NBEAL2: variants seen among roughly 807,000 people sequenced by gnomAD.
The protein encoded by NBEAL2 is neurobeachin-like protein 2.
Under a neutral mutation model 299.8 loss-of-function variants are expected in NBEAL2, and 160 were observed. The observed-to-expected ratio is 0.53, with a 90% CI of 0.47 to 0.61. The LOEUF (loss-of-function observed/expected upper bound fraction) is 0.61. Among genes scored for constraint, NBEAL2 ranks in the 20% least tolerant of loss-of-function variants. NBEAL2 has a pLI of 0.00. For missense variants in NBEAL2, 3,112 were observed against 3,649.0 expected, an observed-to-expected ratio of 0.85 and a Z score of 3.79; for synonymous variants, 1,493 against 1,542.3, an observed-to-expected ratio of 0.97 and a Z score of 0.75.
Position 47,004,695 on chromosome 3 carries a change from T to C in NBEAL2, c.6294+105T>C, listed in dbSNP as rs2037294467. The C allele has an allele frequency of 8.0e-7, 1 of 1,253,606 alleles. No homozygotes were observed. The highest frequency in any genetic ancestry group is 1.2e-6 in the Non-Finnish European group (1 of 865,216). 77.7% of individuals were successfully genotyped at this position (1,253,606 alleles called of 1,614,324 possible). ...CCAGTGGGCCAAGCTCTGAGCTTGG[T>C]CAAGGGTAGATGTGCCAATGAAGAC... On this transcript the variant is annotated intron_variant, in intron 38 of 53. Coordinates refer to ENST00000450053, the MANE Select transcript of NBEAL2 (RefSeq NM_015175.3). This position sits in a 1 kb window ranked among gnomAD's most constrained non-coding sequence, Gnocchi z 5.0.
At chr3:46,980,115 G>A (rs1471761942) in intron 1 of NBEAL2, among the ~76,000 whole-genome samples, 7 of 152,258 alleles carry the variant, frequency 4.6e-5, no homozygotes, top group African/African-American at 1.7e-4. Flanking sequence ...ATGCCTTGGG[G>A]ACAGAGCTCG....
At position 46,989,288 on chromosome 3, in the gene NBEAL2, G is replaced by C. The variant is rs376604123; in HGVS notation, c.380G>C (p.Arg127Pro). The C allele has an allele frequency of 1.2e-6, 2 of 1,609,258 alleles. No individual in the cohort carries two copies. Among genetic ancestry groups the C allele is most frequent in the South Asian group, 1.1e-5 (1 of 90,234 alleles). ...AAAGGATGCCCACCACCCCAGGGCCGAGGCACGCAGTTGGAGAATGTGGCC... is the reference window on the plus strand; with the variant it reads ...AAAGGATGCCCACCACCCCAGGGCCCAGGCACGCAGTTGGAGAATGTGGCC... ...ELKGCPPPQG[R>P]GTQLENVALH... The change falls in exon 5 of 54, where the codon CGA (arginine) becomes CCA (proline). Residue 127 changes from arginine (R) to proline (P), a missense_variant. Arg to Pro is a moderately radical substitution (Grantham distance 103). Around this residue, in one of 3 missense-constraint regions of NBEAL2, gnomAD observed 2,243 missense variants for 2,538.1 expected, o/e 0.88. Coordinates refer to ENST00000450053, the MANE Select transcript of NBEAL2 (RefSeq NM_015175.3). This position sits in a 1 kb window ranked among gnomAD's most constrained non-coding sequence, Gnocchi z 5.5.
At position 46,994,545 on chromosome 3, in the gene NBEAL2, C is replaced by T. The variant is rs1192777030; in HGVS notation, c.1288C>T (p.Leu430Phe). The change falls in exon 12 of 54, where the codon CTC becomes TTC. Residue 430 changes from leucine (L) to phenylalanine (F), a missense_variant. Leu to Phe is a conservative substitution (Grantham distance 22). Around this residue, in one of 3 missense-constraint regions of NBEAL2, gnomAD observed 2,243 missense variants for 2,538.1 expected, o/e 0.88. Transcript: ENST00000450053. ...PPTHRLLQEL[L>F]NMAVEGDHSM... ...CACCCATCGGCTGTTGCAAGAGCTG[C>T]TCAACATGGTGAGGGAAGGGGCTTG... 6.3e-7 allele frequency: 1 copy of T among 1,579,184 alleles called. No homozygotes were observed. Among genetic ancestry groups the T allele is most frequent in the Non-Finnish European group, 8.6e-7 (1 of 1,160,526 alleles).
intron 1 of NBEAL2, among the ~76,000 whole-genome samples, chr3:46,981,144 G>A (rs1047651745): frequency 6.6e-6 from 1 of 152,164 alleles, no homozygotes; most frequent in African/African-American, 2.4e-5. Flanking sequence ...CTTCCTGCCT[G>A]TAAAACTGAC....
chr3:47,003,894 C>G lies in NBEAL2; in HGVS notation c.5799C>G (p.Ala1933=), dbSNP rs749355903. 2 of 1,613,638 alleles carry G rather than the reference C, an allele frequency of 1.2e-6. No homozygotes were observed. Among genetic ancestry groups the G allele is most frequent in the African/African-American group, 1.3e-5 (1 of 74,972 alleles). The change falls in exon 36 of 54, where the codon GCC becomes GCG. Residue 1933 remains alanine (A), a synonymous_variant. Transcript: ENST00000450053. The surrounding 1 kb of genome is among the most constrained non-coding windows in gnomAD (Gnocchi z 7.0). ...AGTGCCAGCTGGTGACGGTAGTGGC[C>G]GTGGTCCCAGGGCTGCTGGAGGTCA... ...SAECQLVTVV[A]VVPGLLEVTT...
chr3:47,002,531 C>G lies in NBEAL2; in HGVS notation c.5301+11C>G. 1 of 1,611,864 alleles carries G rather than the reference C, an allele frequency of 6.2e-7. No individual in the cohort carries two copies. Among genetic ancestry groups the G allele is most frequent in the Non-Finnish European group, 8.5e-7 (1 of 1,179,464 alleles). ...CGTCGGGCCTTCCAGGTGTGCCACC[C>G]GGGGTAAGGGATGGGAAACTGCTCC... On this transcript the variant is annotated intron_variant, in intron 32 of 53. Transcript: ENST00000450053.
At chr3:46,993,312 G>A (rs1337679891) in intron 10 of NBEAL2, among the ~76,000 whole-genome samples, 3 of 152,158 alleles carry the variant, frequency 2.0e-5, no homozygotes, top group Non-Finnish European at 4.4e-5. Flanking sequence ...CCATGGAGCC[G>A]AATATGACCT....
intron 1 of NBEAL2, among the ~76,000 whole-genome samples, chr3:46,980,641 T>C (rs1456129579): frequency 2.0e-5 from 3 of 152,124 alleles, no homozygotes; most frequent in Non-Finnish European, 2.9e-5. Context: ...GGCCCGTTCC[T>C]CCTGAGCTCC....
chr3:47,008,434 G>A lies in NBEAL2; in HGVS notation c.7871G>A (p.Gly2624Glu), dbSNP rs1445884692. ...CAGAGCTCAGCGTGGGAACGTCCTG[G>A]GGCCCAGGTATGGGGAAGGGGTGCC... Reference protein sequence around the residue: ...VVQSSAWERPGAQVTYSLHLY... With the variant: ...VVQSSAWERPEAQVTYSLHLY... The change falls in exon 51 of 54, where the codon GGG (glycine) becomes GAG (glutamate). Residue 2624 changes from glycine to glutamate, a missense_variant. Physicochemically the swap from Gly to Glu is moderately conservative, Grantham distance 98. This residue lies in a region of NBEAL2 where 348 missense variants were observed against 381.4 expected (regional missense o/e 0.91). Coordinates refer to ENST00000450053, the MANE Select transcript of NBEAL2 (RefSeq NM_015175.3). The A allele has an allele frequency of 1.9e-6, 3 of 1,612,070 alleles. No homozygotes were observed. Among genetic ancestry groups the A allele is most frequent in the Non-Finnish European group, 2.5e-6 (3 of 1,178,470 alleles).
chr3:46,991,527 T>C lies in NBEAL2; in HGVS notation c.764T>C (p.Val255Ala), dbSNP rs1283493473. 20 of 1,609,916 alleles carry C rather than the reference T, an allele frequency of 1.2e-5. No homozygotes were observed. The highest frequency in any genetic ancestry group is 1.7e-5 in the Non-Finnish European group (20 of 1,179,844). ...GTGCCACTGGCTCTAGAGGCACTGG[T>C]AGGTGCAGTCCATGTCTTGCATGCC... ...CLVPLALEAL[V>A]GAVHVLHASR... The change falls in exon 8 of 54, where the codon GTA becomes GCA. Residue 255 changes from valine to alanine, a missense_variant. By Grantham distance (64) the Val-to-Ala change is moderately conservative. This residue lies in a region of NBEAL2 where 2,243 missense variants were observed against 2,538.1 expected (regional missense o/e 0.88). Coordinates refer to ENST00000450053, the MANE Select transcript of NBEAL2 (RefSeq NM_015175.3). This position sits in a 1 kb window ranked among gnomAD's most constrained non-coding sequence, Gnocchi z 6.2.
chr3:46,993,955 G>A lies in NBEAL2; in HGVS notation c.1132G>A (p.Asp378Asn), dbSNP rs766121933. 1.1e-5 allele frequency: 18 copies of A among 1,611,314 alleles called. No individual in the cohort carries two copies. The highest frequency in any genetic ancestry group is 4.0e-5 in the African/African-American group (3 of 74,884). Residue 378 changes from aspartate to asparagine, a missense_variant, in exon 11 of 54, where the codon GAC (aspartate) becomes AAC (asparagine). Transcript: ENST00000450053. Reference protein sequence around the residue: ...DVQKVLDQDTDAIAVHVVRVL... With the variant: ...DVQKVLDQDTNAIAVHVVRVL... ...CCCCAAGGTCCTGGACCAAGACACA[G>A]ACGCCATTGCAGTCCATGTAGTCAG...
intron 1 of NBEAL2, among the ~76,000 whole-genome samples, chr3:46,986,955 C>T (rs1026409578): frequency 6.6e-6 from 1 of 151,996 alleles, no homozygotes; most frequent in East Asian, 1.9e-4. Context: ...AGGAGGCTGC[C>T]AGCAGGAGAG....
Position 46,997,033 on chromosome 3 carries a change from C to T in NBEAL2, c.2636C>T (p.Thr879Ile). 2 of 1,612,984 alleles carry T rather than the reference C, an allele frequency of 1.2e-6. No individual in the cohort carries two copies. The highest frequency in any genetic ancestry group is 2.2e-5 in the South Asian group (2 of 91,068). ...CGCCTGACGGGCCACAGAGTGGAGA[C>T]CTGGGATGTGAAGGTCTGTGAGCAC... ...DGRLTGHRVE[T>I]WDVKDVVNCV... Residue 879 changes from threonine to isoleucine, a missense_variant, in exon 18 of 54, where the codon ACC becomes ATC. Around this residue, in one of 3 missense-constraint regions of NBEAL2, gnomAD observed 2,243 missense variants for 2,538.1 expected, o/e 0.88. Transcript: ENST00000450053.
In NBEAL2 at chr3:47,001,829, G is replaced by A. The variant is rs770513674; in HGVS notation, c.4782+3G>A. On this transcript the variant is annotated splice_donor_region_variant and intron_variant, in intron 30 of 53. Coordinates refer to ENST00000450053, the MANE Select transcript of NBEAL2 (RefSeq NM_015175.3). This position sits in a 1 kb window ranked among gnomAD's most constrained non-coding sequence, Gnocchi z 6.1. ...ACATCCTGCTGGAAGACCCACAGGT[G>A]AGCACAGGGTGAGCATGGGGGCAGG... is the stretch of plus-strand genomic sequence containing the variant. 1 of 1,613,658 alleles carries A rather than the reference G, an allele frequency of 6.2e-7. No individual in the cohort carries two copies. The highest frequency in any genetic ancestry group is 1.1e-5 in the South Asian group (1 of 91,088).
At chr3:46,980,575 C>T (rs1272457154) in intron 1 of NBEAL2, among the ~76,000 whole-genome samples, 2 of 152,032 alleles carry the variant, frequency 1.3e-5, no homozygotes, top group African/African-American at 2.4e-5. Flanking sequence ...CTCTGGATGC[C>T]CAGGGTGAGG....
In NBEAL2 at chr3:47,006,017, A is replaced by G; in HGVS notation, c.6873A>G (p.Pro2291=). 6.2e-7 allele frequency: 1 copy of G among 1,613,770 alleles called. No individual in the cohort carries two copies. The highest frequency in any genetic ancestry group is 1.7e-5 in the Admixed American group (1 of 60,036). Reference sequence around the variant, plus strand: ...TCTTTGGCTACAAGCAGCGGGGGCCAGCCGCCGAGGAGGCCCTCAATGTCT... The same window carrying G: ...TCTTTGGCTACAAGCAGCGGGGGCCGGCCGCCGAGGAGGCCCTCAATGTCT... ...DLIFGYKQRG[P]AAEEALNVFY... The change falls in exon 43 of 54, where the codon CCA becomes CCG. Residue 2291 remains proline, a synonymous_variant. Coordinates refer to ENST00000450053, the MANE Select transcript of NBEAL2 (RefSeq NM_015175.3).
At position 46,995,766 on chromosome 3, in the gene NBEAL2, A is replaced by G. The variant is rs757636012; in HGVS notation, c.1951A>G (p.Thr651Ala). ...TGAGGCCTTCTTCACGGCGGCCGGG[A>G]CCCTGGTGGTGGCTGTGTGCACACG... is the stretch of plus-strand genomic sequence containing the variant. ...GFEAFFTAAG[T>A]LVVAVCTRKE... The change falls in exon 14 of 54, where the codon ACC becomes GCC. Residue 651 changes from threonine to alanine, a missense_variant. By Grantham distance (58) the Thr-to-Ala change is moderately conservative. Transcript: ENST00000450053. 3 of 1,613,680 alleles carry G rather than the reference A, an allele frequency of 1.9e-6. No homozygotes were observed. The highest frequency in any genetic ancestry group is 2.5e-6 in the Non-Finnish European group (3 of 1,179,872).
rs1296209242 is a variant in NBEAL2 at position 46,998,892 on chromosome 3, T to A, written c.3384+13T>A. On this transcript the variant is annotated intron_variant, in intron 23 of 53. Transcript: ENST00000450053. ...CGATGACGGTCAGGTAGGCTGGAGG[T>A]TGGGGAGCGGGAGGCTTGGGTGAGG... 6.3e-7 allele frequency: 1 copy of A among 1,594,818 alleles called. No homozygotes were observed. The highest frequency in any genetic ancestry group is 1.1e-5 in the South Asian group (1 of 87,772).
At position 46,995,766 on chromosome 3, in the gene NBEAL2, AC is replaced by A; in HGVS notation, c.1954del (p.Leu652TrpfsTer12). 6.2e-7 allele frequency: 1 copy of A among 1,613,680 alleles called. No individual in the cohort carries two copies. The highest frequency in any genetic ancestry group is 2.2e-5 in the East Asian group (1 of 44,866). On this transcript the variant is annotated frameshift_variant, in exon 14 of 54. Coordinates refer to ENST00000450053, the MANE Select transcript of NBEAL2 (RefSeq NM_015175.3). LOFTEE classifies it high-confidence loss of function. ...TGAGGCCTTCTTCACGGCGGCCGGG[AC>A]CCTGGTGGTGGCTGTGTGCACACGG... ...GFEAFFTAAG[T>X]LVVAVCTRKE...
Sources: gnomAD v4.1 joint callset for allele counts (sites outside exome capture counted in the v4.1 genomes callset) on GRCh38, gnomAD v4.1.1 for gene constraint, gnomAD v4.1.1 regional missense constraint, Gnocchi (gnomAD v3.1) non-coding constraint, MANE v1.5 for transcripts, NCBI Gene and HGNC (gene_info 2026-07-23, HGNC 2026-07-21) for gene names.